NUP54: variants seen among roughly 807,000 people sequenced by gnomAD.
NUP54 encodes the protein nucleoporin 54, also known as nucleoporin p54.
A neutral mutation model predicts 66.4 loss-of-function variants in NUP54; 27 were observed. The ratio of observed to expected loss-of-function variants is 0.41; its 90% confidence interval spans 0.30 to 0.56. The LOEUF is 0.56. Ranked by LOEUF, NUP54 falls within the 20% of genes least tolerant of loss-of-function variation. NUP54 has a pLI of 0.34. For synonymous variants in NUP54, 206 were observed against 210.7 expected (o/e 0.98, Z 0.19); for missense variants, 486 against 596.3 (o/e 0.82, Z 1.93).
At chr4:76,116,465 C>T (rs920117876) in intron 11 of NUP54, among the ~76,000 whole-genome samples, 1 of 152,112 alleles carries the variant, frequency 6.6e-6, no homozygotes, top group Non-Finnish European at 1.5e-5. Flanking sequence ...TCTTTAGATA[C>T]AACTGTTCAT....
chr4:76,123,928 T>C (rs1370974811), intron 9 of NUP54, among the ~76,000 whole-genome samples: 1 of 152,220 alleles, frequency 6.6e-6, no homozygotes, highest in East Asian at 1.9e-4. Context: ...AGATGCTTAG[T>C]AATTTTAACG....
intron 9 of NUP54, 22 bp from the exon 10 acceptor site, chr4:76,118,216 A>G (rs762130631): frequency 6.9e-6 from 11 of 1,604,928 alleles, no homozygotes; most frequent in East Asian, 4.5e-5. Context: ...AAAACCACCA[A>G]TAACAACAGA....
rs531573496 is a variant in NUP54, at chr4:76,118,831, C to T, written c.1165-637G>A. Among the ~76,000 whole-genome samples the T allele has an allele frequency of 2.0e-5, 3 of 151,950 alleles. No homozygotes were observed. The South Asian group carries it at 6.2e-4, about 32-fold the overall frequency. On this transcript the variant is annotated intron_variant, in intron 9 of 11. Transcript: ENST00000264883. ...CATCCTGGCTAACATGATGAAACCCCGTCTCTACTAAAAATACAAAAAATT... is the reference window on the plus strand; with the variant it reads ...CATCCTGGCTAACATGATGAAACCCTGTCTCTACTAAAAATACAAAAAATT...
intron 1 of NUP54, chr4:76,147,874 G>A: frequency 3.1e-6 from 1 of 326,260 alleles, no homozygotes; most frequent in Non-Finnish European, 6.0e-6. Flanking sequence ...GGAACTAAGG[G>A]AGTCAATGGG....
Position 76,133,917 on chromosome 4 carries a change from A to G in NUP54, c.710+258T>C, listed in dbSNP as rs57020607. On this transcript the variant is annotated intron_variant, in intron 5 of 11. Transcript: ENST00000264883. ...AACATCTTTATGGCCCTCAATTTGC[A>G]CGCATCTATGACAAATGGTCCCTTC... Among the ~76,000 whole-genome samples the G allele has an allele frequency of 7.9e-3, 1,204 of 152,296 alleles. 11 individuals carry two copies. The highest frequency in any genetic ancestry group is 0.028 in the African/African-American group (1,155 of 41,562).
chr4:76,138,317 C>T (rs1481512052), intron 3 of NUP54, among the ~76,000 whole-genome samples: 1 of 149,974 alleles, frequency 6.7e-6, no homozygotes, highest in Middle Eastern at 3.4e-3. Flanking sequence ...TGCAGTCAGC[C>T]TCCCATGCTG....
At chr4:76,118,866 T>A (rs1383400480) in intron 9 of NUP54, among the ~76,000 whole-genome samples, 1 of 151,670 alleles carries the variant, frequency 6.6e-6, no homozygotes, top group Non-Finnish European at 1.5e-5. Flanking sequence ...TAGCCGGACG[T>A]TGATGGTGCA....
chr4:76,146,840 C>T (rs1731522484), intron 1 of NUP54, among the ~76,000 whole-genome samples: 1 of 152,200 alleles, frequency 6.6e-6, no homozygotes, highest in African/African-American at 2.4e-5. Context: ...GTCTAGCTTA[C>T]CTTTTAGAAT....
At chr4:76,122,354 G>A (rs1315368624) in intron 9 of NUP54, among the ~76,000 whole-genome samples, 1 of 151,800 alleles carries the variant, frequency 6.6e-6, no homozygotes, top group Non-Finnish European at 1.5e-5. Flanking sequence ...ACATACAGTC[G>A]TGTAACCACC....
At chr4:76,123,286 T>C (rs1356308145) in intron 9 of NUP54, among the ~76,000 whole-genome samples, 1 of 152,200 alleles carries the variant, frequency 6.6e-6, no homozygotes, top group Non-Finnish European at 1.5e-5. Context: ...ATAATCAAAA[T>C]AACACTGGAT....
chr4:76,124,450 G>T, intron 9 of NUP54, 199 bp downstream of exon 9: 1 of 335,262 alleles, frequency 3.0e-6, no homozygotes, highest in Non-Finnish European at 5.3e-6. Context: ...ACGAACTTTA[G>T]GATATTTTTA....
intron 9 of NUP54, 100 bp from the exon 10 acceptor site, chr4:76,118,294 CA>C: frequency 1.8e-6 from 2 of 1,091,338 alleles, no homozygotes. Flanking sequence ...AGCTGAAAAT[CA>C]AACAACAGTA....
intron 11 of NUP54, 107 bp from the exon 12 acceptor site, chr4:76,115,601 C>CTGTGTTG: frequency 1.4e-6 from 1 of 721,214 alleles, no homozygotes; most frequent in Non-Finnish European, 2.1e-6. Context: ...CAACACAGTA[C>CTGTGTTG]CTAGTAAGTG....
At position 76,132,737 on chromosome 4, in the gene NUP54, A is replaced by G. The variant is rs1730862489; in HGVS notation, c.711-18T>C. 1 of 1,583,000 alleles carries G rather than the reference A, an allele frequency of 6.3e-7. No homozygotes were observed. On this transcript the variant is annotated intron_variant, in intron 5 of 11. Coordinates refer to ENST00000264883, the MANE Select transcript of NUP54 (RefSeq NM_017426.4). Reference sequence around the variant, plus strand: ...CTTCTGTCCTGAAGGAAGAATAACCAATTTATAAAATATGGAGCACAAAAC... The same window carrying G: ...CTTCTGTCCTGAAGGAAGAATAACCGATTTATAAAATATGGAGCACAAAAC...
chr4:76,128,725 C>T (rs1479834390), intron 8 of NUP54, among the ~76,000 whole-genome samples: 1 of 152,112 alleles, frequency 6.6e-6, no homozygotes, highest in African/African-American at 2.4e-5. Flanking sequence ...CACATATATA[C>T]ACACACAATA....
rs199941725 is a variant in NUP54 at position 76,118,395 on chromosome 4, G to GT, written c.1165-202dup. ...TAAATACAATGATATAGACTTAATT[G>GT]TTTTTTTTGAGACAGGGTCTTGCTC... On this transcript the variant is annotated intron_variant, in intron 9 of 11. Transcript: ENST00000264883. 4.8e-4 allele frequency: 254 copies of GT among 531,440 alleles called. 1 individual carries two copies. Among genetic ancestry groups the GT allele is most frequent in the African/African-American group, 1.9e-3 (98 of 51,720 alleles). 32.9% of individuals were successfully genotyped at this position (531,440 alleles called of 1,614,324 possible). A position where few individuals can be genotyped will look rare whatever the true frequency, so the allele number is the denominator to read the frequency against.
At chr4:76,127,627 A>G (rs1433757478) in intron 8 of NUP54, among the ~76,000 whole-genome samples, 1 of 152,162 alleles carries the variant, frequency 6.6e-6, no homozygotes, top group African/African-American at 2.4e-5. Context: ...CAAATTCCCA[A>G]AAAGAAAATA....
chr4:76,115,963 G>C (rs1729934142), intron 11 of NUP54, among the ~76,000 whole-genome samples: 1 of 152,172 alleles, frequency 6.6e-6, no homozygotes, highest in African/African-American at 2.4e-5. Context: ...TGTTTTAACA[G>C]TACTGGTATT....
At chr4:76,138,698 A>T (rs1382868914) in intron 3 of NUP54, among the ~76,000 whole-genome samples, 1 of 152,302 alleles carries the variant, frequency 6.6e-6, no homozygotes, top group East Asian at 1.9e-4. Context: ...TTCCATTAGC[A>T]CTTCAGTTAG....
Sources: allele counts gnomAD v4.1 joint callset (sites outside exome capture counted in the v4.1 genomes callset), GRCh38; gene constraint gnomAD v4.1.1; transcripts MANE v1.5; gene names NCBI Gene and HGNC (gene_info 2026-07-23, HGNC 2026-07-21).